MAP2K5: variants seen among roughly 807,000 people sequenced by gnomAD.
MAP2K5 encodes the protein mitogen-activated protein kinase kinase 5.
Under a neutral mutation model 83.1 loss-of-function variants are expected in MAP2K5, and 49 were observed. That is an observed-to-expected ratio of 0.59 (90% CI 0.47 to 0.75). The LOEUF (loss-of-function observed/expected upper bound fraction) is 0.75, where lower values mean the gene tolerates loss of function less well. MAP2K5 is among the 30% of genes least tolerant of loss of function. The pLI, the probability that MAP2K5 is intolerant of heterozygous loss-of-function variation, is 0.00. For missense variants in MAP2K5, 457 were observed against 557.5 expected, an observed-to-expected ratio of 0.82 and a Z score of 1.82; for synonymous variants, 202 against 191.8, an observed-to-expected ratio of 1.05 and a Z score of -0.44.
intron 21 of MAP2K5, among the ~76,000 whole-genome samples, chr15:67,799,791 A>G (rs1004924427): frequency 6.6e-6 from 1 of 152,210 alleles, no homozygotes; most frequent in African/African-American, 2.4e-5. Flanking sequence ...CAACAGCAGC[A>G]GTACTTCCAT....
At chr15:67,772,362 A>T (rs777047779) in intron 20 of MAP2K5, among the ~76,000 whole-genome samples, 1 of 152,238 alleles carries the variant, frequency 6.6e-6, no homozygotes, top group Admixed American at 6.5e-5. Flanking sequence ...TAAATTGATA[A>T]TTGAGTCAAT....
At chr15:67,600,295 A>AGT (rs1056821547) in intron 7 of MAP2K5, among the ~76,000 whole-genome samples, 49 of 152,016 alleles carry the variant, frequency 3.2e-4, no homozygotes, top group African/African-American at 1.2e-3. Flanking sequence ...TAGATTACTG[A>AGT]GTGTGTGTGT....
Position 67,806,822 on chromosome 15 carries a change from A to G in MAP2K5, c.*72A>G, listed in dbSNP as rs2090821469. On this transcript the variant is annotated 3_prime_UTR_variant, in exon 22 of 22. Coordinates refer to ENST00000178640, the MANE Select transcript of MAP2K5 (RefSeq NM_145160.3). The stretch of plus-strand genomic sequence containing the variant: ...CAACCCACCCGTCGCCCTTCTCCGT[A>G]TGCTGCCTGCGCCAGAAGAGCTTTG... 1.3e-6 allele frequency: 2 copies of G among 1,597,874 alleles called. No homozygotes were observed. Among genetic ancestry groups the G allele is most frequent in the Admixed American group, 1.7e-5 (1 of 59,904 alleles).
At chr15:67,686,203 T>C (rs1461145905) in intron 13 of MAP2K5, among the ~76,000 whole-genome samples, 1 of 152,136 alleles carries the variant, frequency 6.6e-6, no homozygotes, top group South Asian at 2.1e-4. Flanking sequence ...AGCACAAATG[T>C]CAAACTGTAT....
At chr15:67,554,020 T>C (rs2084571344) in intron 2 of MAP2K5, among the ~76,000 whole-genome samples, 2 of 152,030 alleles carry the variant, frequency 1.3e-5, no homozygotes, top group Non-Finnish European at 2.9e-5. Context: ...GAACAACCCT[T>C]GAATAAATAC....
At chr15:67,675,956 A>G (rs536897120) in intron 13 of MAP2K5, among the ~76,000 whole-genome samples, 3 of 152,264 alleles carry the variant, frequency 2.0e-5, no homozygotes, top group East Asian at 3.9e-4. Context: ...ACAAATGCAA[A>G]TGGAAGAGGA....
At chr15:67,610,368 A>G (rs2085890879) in intron 8 of MAP2K5, among the ~76,000 whole-genome samples, 1 of 152,148 alleles carries the variant, frequency 6.6e-6, no homozygotes, top group Admixed American at 6.5e-5. Flanking sequence ...GAATCCCTGG[A>G]TTAAATGTAT....
At chr15:67,639,706 G>A (rs529518805) in intron 9 of MAP2K5, among the ~76,000 whole-genome samples, 4 of 149,970 alleles carry the variant, frequency 2.7e-5, no homozygotes, top group South Asian at 2.1e-4. Context: ...ACGACATGTC[G>A]TCAGTCTGCT....
In MAP2K5 at chr15:67,673,142, C is replaced by T. The variant is rs567072181; in HGVS notation, c.847+8497C>T. On this transcript the variant is annotated intron_variant, in intron 13 of 21. Transcript: ENST00000178640. ...TTGGCTTAGGATTGACTTGGCAATG[C>T]GGTCTCTTTTTTGGTTCCATATGAA... 3.2e-3 allele frequency among the ~76,000 whole-genome samples: 486 copies of T among 152,014 alleles called. 2 individuals carry two copies. The highest frequency in any genetic ancestry group is 0.014 in the Middle Eastern group (4 of 294).
chr15:67,795,403 T>A (rs939211423), intron 21 of MAP2K5, among the ~76,000 whole-genome samples: 2 of 152,254 alleles, frequency 1.3e-5, no homozygotes, highest in Admixed American at 6.5e-5. Context: ...TTTAGCTGCA[T>A]CCAACAAGTA....
chr15:67,567,225 A>G (rs2084856097), intron 3 of MAP2K5, among the ~76,000 whole-genome samples: 1 of 152,170 alleles, frequency 6.6e-6, no homozygotes, highest in Non-Finnish European at 1.5e-5. Flanking sequence ...GCATTTTGTT[A>G]TGAGTTTGTG....
intron 16 of MAP2K5, among the ~76,000 whole-genome samples, chr15:67,703,670 G>A (rs768406411): frequency 6.6e-6 from 1 of 151,972 alleles, no homozygotes; most frequent in Non-Finnish European, 1.5e-5. Context: ...CTTCAACCCC[G>A]TTCAAGACCA....
intron 6 of MAP2K5, among the ~76,000 whole-genome samples, 193 bp from the exon 7 acceptor site, chr15:67,592,733 G>A (rs1266509513): frequency 6.6e-6 from 1 of 151,992 alleles, no homozygotes; most frequent in Non-Finnish European, 1.5e-5. Flanking sequence ...TTACTAACAG[G>A]GTTTTAGTCT....
At chr15:67,653,829 A>C (rs1272293807) in intron 11 of MAP2K5, among the ~76,000 whole-genome samples, 2 of 152,066 alleles carry the variant, frequency 1.3e-5, no homozygotes, top group Admixed American at 1.3e-4. Flanking sequence ...TTTTCCTCTA[A>C]GCACGGCTTT....
At chr15:67,641,458 A>G (rs768061871) in intron 9 of MAP2K5, 327 of 999,958 alleles carry the variant, frequency 3.3e-4, no homozygotes, top group Non-Finnish European at 3.8e-4. Flanking sequence ...AGTGTGTGCC[A>G]CTCCAGCAAA....
At position 67,802,469 on chromosome 15, in the gene MAP2K5, G is replaced by A. The variant is rs559698267; in HGVS notation, c.1243-4177G>A. Reference sequence around the variant, plus strand: ...AGCCCTGTTCTTTTCCCTTCATTGTGTCTCCAACTTCTGTGGCAAAGTCTG... The same window carrying A: ...AGCCCTGTTCTTTTCCCTTCATTGTATCTCCAACTTCTGTGGCAAAGTCTG... On this transcript the variant is annotated intron_variant, in intron 21 of 21. Coordinates refer to ENST00000178640, the MANE Select transcript of MAP2K5 (RefSeq NM_145160.3). The surrounding 1 kb of genome is among the most constrained non-coding windows in gnomAD (Gnocchi z 5.0). 6.6e-6 allele frequency among the ~76,000 whole-genome samples: 1 copy of A among 152,258 alleles called. No individual in the cohort carries two copies. The highest frequency in any genetic ancestry group is 2.4e-5 in the African/African-American group (1 of 41,552).
In MAP2K5 at chr15:67,665,170, C is replaced by T. The variant is rs150497391; in HGVS notation, c.847+525C>T. 6.6e-6 allele frequency among the ~76,000 whole-genome samples: 1 copy of T among 152,096 alleles called. No homozygotes were observed. Among genetic ancestry groups the T allele is most frequent in the Non-Finnish European group, 1.5e-5 (1 of 68,014 alleles). On this transcript the variant is annotated intron_variant, in intron 13 of 21. Coordinates refer to ENST00000178640, the MANE Select transcript of MAP2K5 (RefSeq NM_145160.3). This position sits in a 1 kb window ranked among gnomAD's most constrained non-coding sequence, Gnocchi z 4.2. ...GTGCTAGGATTCAGGCGGGAGCCACCGCGCCTGGCCAAAAGTAAAACTTTA... is the reference window on the plus strand; with the variant it reads ...GTGCTAGGATTCAGGCGGGAGCCACTGCGCCTGGCCAAAAGTAAAACTTTA...
chr15:67,648,193 CAGAA>C lies in MAP2K5; in HGVS notation c.736+1728_736+1731del, dbSNP rs1350884300. Reference sequence around the variant, plus strand: ...ATTCCAAAACACTTTTTACCACCCCCAGAAAGAGACTTCCTACCTATTAGTACTC... The same window carrying C: ...ATTCCAAAACACTTTTTACCACCCCCAGAGACTTCCTACCTATTAGTACTC... On this transcript the variant is annotated intron_variant, in intron 11 of 21. Coordinates refer to ENST00000178640, the MANE Select transcript of MAP2K5 (RefSeq NM_145160.3). 3.3e-5 allele frequency among the ~76,000 whole-genome samples: 5 copies of C among 152,144 alleles called. No homozygotes were observed. The East Asian group carries it at 9.6e-4, about 29-fold the overall frequency.
rs935630788 is a variant in MAP2K5 at position 67,636,340 on chromosome 15, G to A, written c.585+5413G>A. The stretch of plus-strand genomic sequence containing the variant: ...GGAGAATGGCGTGAACCTGGGAAGT[G>A]GAGCTTGCAGTGAGCCAAGATTGCG... On this transcript the variant is annotated intron_variant, in intron 9 of 21. Transcript: ENST00000178640. This position sits in a 1 kb window ranked among gnomAD's most constrained non-coding sequence, Gnocchi z 4.7. Among the ~76,000 whole-genome samples the A allele has an allele frequency of 1.3e-5, 2 of 151,886 alleles. No homozygotes were observed. Among genetic ancestry groups the A allele is most frequent in the Non-Finnish European group, 2.9e-5 (2 of 67,986 alleles).
Sources: allele counts gnomAD v4.1 joint callset (sites outside exome capture counted in the v4.1 genomes callset), GRCh38; gene constraint gnomAD v4.1.1; non-coding constraint Gnocchi (gnomAD v3.1); transcripts MANE v1.5; gene names NCBI Gene and HGNC (gene_info 2026-07-23, HGNC 2026-07-21).